The following SLC23A2 variants were observed in gnomAD, a reference collection of about 807,000 sequenced individuals.
SLC23A2 encodes solute carrier family 23 member 2, also known as Na(+)/L-ascorbic acid transporter 2.
In SLC23A2, 36 loss-of-function variants were observed where a neutral mutation model predicts 73.3. The ratio of observed to expected loss-of-function variants is 0.49; its 90% confidence interval spans 0.38 to 0.65. The LOEUF is 0.65. Ranked by LOEUF, SLC23A2 falls within the 30% of genes least tolerant of loss-of-function variation. The pLI, the probability that SLC23A2 is intolerant of heterozygous loss-of-function variation, is 0.00. For missense variants in SLC23A2, 507 were observed against 841.6 expected (o/e 0.60, Z 4.92); for synonymous variants, 343 against 327.3 (o/e 1.05, Z -0.52).
At chr20:4,948,967 A>G (rs895627001) in intron 2 of SLC23A2, among the ~76,000 whole-genome samples, 1 of 152,100 alleles carries the variant, frequency 6.6e-6, no homozygotes, top group African/African-American at 2.4e-5. Flanking sequence ...CTTACTTTTC[A>G]TCAGACTTCT....
intron 2 of SLC23A2, among the ~76,000 whole-genome samples, chr20:4,959,569 C>G (rs887122837): frequency 6.6e-6 from 1 of 152,190 alleles, no homozygotes; most frequent in Non-Finnish European, 1.5e-5. Context: ...ACAATCACGG[C>G]TCACTGCAGC....
In SLC23A2 at chr20:4,874,426, A is replaced by G; in HGVS notation, c.945+150T>C. On this transcript the variant is annotated intron_variant, in intron 10 of 16. Coordinates refer to ENST00000338244, the MANE Select transcript of SLC23A2 (RefSeq NM_005116.6). ...TTTCAGAATCAGAATGTTTAAGTCTATGATGATCTGAGTGGTCATTAGTAG... is the reference window on the plus strand; with the variant it reads ...TTTCAGAATCAGAATGTTTAAGTCTGTGATGATCTGAGTGGTCATTAGTAG... 4 of 729,494 alleles carry G rather than the reference A, an allele frequency of 5.5e-6. No individual in the cohort carries two copies. In the South Asian group the frequency reaches 5.7e-5, roughly 10 times the overall value. The allele number at this position is 729,494 out of a possible 1,614,324, so 45.2% of individuals were successfully genotyped here.
chr20:4,986,651 C>CATACACACATACAT (rs879416930), intron 1 of SLC23A2, among the ~76,000 whole-genome samples: 1 of 89,186 alleles, frequency 1.1e-5, no homozygotes, highest in Admixed American at 1.0e-4. Flanking sequence ...TACACACATA[C>CATACACACATACAT]ACACACACAC....
chr20:4,942,967 G>A (rs1018705571), intron 2 of SLC23A2, among the ~76,000 whole-genome samples: 4 of 151,908 alleles, frequency 2.6e-5, no homozygotes, highest in East Asian at 1.9e-4. Flanking sequence ...GACTCCCAAC[G>A]CTTTGGGAGG....
intron 2 of SLC23A2, among the ~76,000 whole-genome samples, chr20:4,957,175 C>T (rs2087304131): frequency 2.0e-5 from 3 of 152,082 alleles, no homozygotes; most frequent in Non-Finnish European, 4.4e-5. Context: ...CTCTAAGAAG[C>T]CAAGCATAGT....
Position 4,983,322 on chromosome 20 carries a change from T to C in SLC23A2, c.-281-12403A>G, listed in dbSNP as rs138851202. ...AAAGAAAAACAGACACATAGAGACT[T>C]TAACAAAAATTAAAACTTTCTTAAC... On this transcript the variant is annotated intron_variant, in intron 1 of 16. Transcript: ENST00000338244. 1.7e-3 allele frequency among the ~76,000 whole-genome samples: 261 copies of C among 152,016 alleles called. 2 individuals carry two copies. The highest frequency in any genetic ancestry group is 6.1e-3 in the African/African-American group (251 of 41,480).
intron 1 of SLC23A2, among the ~76,000 whole-genome samples, chr20:4,983,460 C>A (rs1303350882): frequency 2.7e-5 from 4 of 149,634 alleles, no homozygotes; most frequent in East Asian, 2.0e-4. Context: ...TCCTGGCCAA[C>A]ACGGTGAAAC....
At chr20:4,875,420 A>G (rs1268338596) in intron 9 of SLC23A2, among the ~76,000 whole-genome samples, 2 of 152,206 alleles carry the variant, frequency 1.3e-5, no homozygotes, top group Non-Finnish European at 1.5e-5. Flanking sequence ...TCACAGAGAC[A>G]AAGCCAGAGG....
intron 2 of SLC23A2, among the ~76,000 whole-genome samples, chr20:4,966,837 C>CACAT (rs145917671): frequency 0.31 from 44,963 of 147,104 alleles, 7,507 homozygotes; most frequent in Admixed American, 0.41. Flanking sequence ...CACACACACA[C>CACAT]ACACACACAC....
intron 1 of SLC23A2, among the ~76,000 whole-genome samples, chr20:4,995,267 T>C (rs1003985248): frequency 4.6e-5 from 7 of 152,144 alleles, no homozygotes; most frequent in African/African-American, 1.7e-4. Context: ...AGGCAAACAC[T>C]GTAGCCAGGA....
Position 4,868,354 on chromosome 20 carries a change from G to A in SLC23A2, c.1251-479C>T, listed in dbSNP as rs763518803. Among the ~76,000 whole-genome samples, 1 of 152,132 alleles carries A rather than the reference G, an allele frequency of 6.6e-6. No individual in the cohort carries two copies. Among genetic ancestry groups the A allele is most frequent in the Admixed American group, 6.6e-5 (1 of 15,262 alleles). On this transcript the variant is annotated intron_variant, in intron 12 of 16. Transcript: ENST00000338244. This position sits in a 1 kb window ranked among gnomAD's most constrained non-coding sequence, Gnocchi z 4.4. The stretch of plus-strand genomic sequence containing the variant: ...CTCCCAAAATGTTGGGATTACAGGC[G>A]TGAGCCACTGTGCCCGGCCAGAATC...
chr20:4,983,478 C>T (rs13042159), intron 1 of SLC23A2, among the ~76,000 whole-genome samples: 1 of 136,786 alleles, frequency 7.3e-6, no homozygotes. Context: ...AACCCCGTCT[C>T]TACTAAAAAT....
At chr20:4,978,459 G>A (rs1290515938) in intron 1 of SLC23A2, among the ~76,000 whole-genome samples, 2 of 152,156 alleles carry the variant, frequency 1.3e-5, no homozygotes, top group Non-Finnish European at 2.9e-5. Flanking sequence ...AAACGAGGAC[G>A]ACCTAGAAAT....
Position 4,902,068 on chromosome 20 carries a change from G to A in SLC23A2, c.324+374C>T, listed in dbSNP as rs780382211. Among the ~76,000 whole-genome samples the A allele has an allele frequency of 3.3e-5, 5 of 152,210 alleles. No homozygotes were observed. The highest frequency in any genetic ancestry group is 7.4e-5 in the Non-Finnish European group (5 of 68,024). On this transcript the variant is annotated intron_variant, in intron 5 of 16. Coordinates refer to ENST00000338244, the MANE Select transcript of SLC23A2 (RefSeq NM_005116.6). The surrounding 1 kb of genome is among the most constrained non-coding windows in gnomAD (Gnocchi z 4.0). ...ACTATGTCAACCAGGCTGAAGTGGA[G>A]TGGTGTGATCACAGCTCACTGCAAC...
chr20:4,891,232 A>C (rs1931320196), intron 6 of SLC23A2, among the ~76,000 whole-genome samples: 1 of 152,184 alleles, frequency 6.6e-6, no homozygotes, highest in African/African-American at 2.4e-5. Context: ...GTTTGGGGCA[A>C]GAAGGACCTG....
At chr20:4,877,746 G>C (rs1047211910) in intron 9 of SLC23A2, among the ~76,000 whole-genome samples, 3 of 152,106 alleles carry the variant, frequency 2.0e-5, no homozygotes, top group Admixed American at 6.6e-5. Context: ...ACACATGGGG[G>C]TTCATTAAAC....
At chr20:4,927,043 T>C (rs553538059) in intron 3 of SLC23A2, among the ~76,000 whole-genome samples, 4 of 152,076 alleles carry the variant, frequency 2.6e-5, no homozygotes, top group African/African-American at 9.6e-5. Context: ...AGCTTTGGAT[T>C]CTGAGGCAAA....
intron 6 of SLC23A2, among the ~76,000 whole-genome samples, chr20:4,896,485 T>TC (rs778364067): frequency 1.3e-5 from 2 of 151,944 alleles, no homozygotes; most frequent in Non-Finnish European, 2.9e-5. Context: ...GGCGCTCCCC[T>TC]CCCCCATCCC....
chr20:5,004,627 C>T (rs769270770), upstream of SLC23A2, among the ~76,000 whole-genome samples: 5 of 152,106 alleles, frequency 3.3e-5, no homozygotes, highest in Non-Finnish European at 7.4e-5. Context: ...AGGAGGATCG[C>T]CTTTGCCAGG....
Sources: allele counts gnomAD v4.1 joint callset (sites outside exome capture counted in the v4.1 genomes callset), GRCh38; gene constraint gnomAD v4.1.1; non-coding constraint Gnocchi (gnomAD v3.1); transcripts MANE v1.5; gene names NCBI Gene and HGNC (gene_info 2026-07-23, HGNC 2026-07-21).